Variants in RBFOX1 observed in about 807,000 individuals in gnomAD.
RBFOX1 encodes the protein RNA binding protein fox-1 homolog 1.
In RBFOX1, 8 loss-of-function variants were observed where a neutral mutation model predicts 57.7. The ratio of observed to expected loss-of-function variants is 0.14; its 90% CI spans 0.08 to 0.25. The LOEUF (loss-of-function observed/expected upper bound fraction) is 0.25, where lower values mean the gene tolerates loss of function less well. Ranked by LOEUF, RBFOX1 falls within the 10% of genes least tolerant of loss-of-function variation. The pLI is 1.00. For missense variants in RBFOX1, 611 were observed against 548.5 expected, an observed-to-expected ratio of 1.11 and a Z score of -1.14; for synonymous variants, 326 against 222.4, an observed-to-expected ratio of 1.47 and a Z score of -4.15.
At chr16:6,642,564 T>C (rs972602476) in intron 2 of RBFOX1, among the ~76,000 whole-genome samples, 4 of 151,846 alleles carry the variant, frequency 2.6e-5, no homozygotes, top group Non-Finnish European at 5.9e-5. Context: ...TTTTGAGATA[T>C]GGAAGCCTCT....
chr16:5,773,914 G>A (rs1246437226), intron 3 of RBFOX1, among the ~76,000 whole-genome samples: 3 of 152,004 alleles, frequency 2.0e-5, no homozygotes, highest in Admixed American at 6.6e-5. Context: ...GGTTGGTCTC[G>A]ATCTACTGAC....
chr16:5,856,537 ATGTGTGTGTGTGTG>A (rs774246673), intron 3 of RBFOX1, among the ~76,000 whole-genome samples: 1 of 70,258 alleles, frequency 1.4e-5, no homozygotes, highest in African/African-American at 5.5e-5. Flanking sequence ...ATATATGTGT[ATGTGTGTGTGTGTG>A]TGTGTGTGTG....
chr16:6,498,505 A>C (rs962067163), intron 2 of RBFOX1, among the ~76,000 whole-genome samples: 1 of 152,166 alleles, frequency 6.6e-6, no homozygotes, highest in African/African-American at 2.4e-5. Context: ...TTGGTTCAGC[A>C]ATCAGGCCCT....
intron 4 of RBFOX1, among the ~76,000 whole-genome samples, chr16:7,105,560 C>A (rs11648306): frequency 1.3e-5 from 2 of 151,712 alleles, no homozygotes; most frequent in Non-Finnish European, 2.9e-5. Context: ...CTCCCACTTA[C>A]GAGTGAGAAC....
At chr16:6,676,140 GCGCACACA>G (rs1173456334) in intron 3 of RBFOX1, among the ~76,000 whole-genome samples, 319 of 27,866 alleles carry the variant, frequency 0.011, 2 homozygotes, top group African/African-American at 0.021. Context: ...ACACACACAC[GCGCACACA>G]CACACACACA....
intron 1 of RBFOX1, among the ~76,000 whole-genome samples, chr16:6,061,678 A>T (rs935250954): frequency 6.6e-6 from 1 of 152,126 alleles, no homozygotes; most frequent in Non-Finnish European, 1.5e-5. Flanking sequence ...GGATAAATCT[A>T]TGTACATAGA....
chr16:7,622,542 A>G (rs1043421443), intron 10 of RBFOX1, among the ~76,000 whole-genome samples: 3 of 152,218 alleles, frequency 2.0e-5, no homozygotes, highest in African/African-American at 7.2e-5. Flanking sequence ...TCTTCTTTGT[A>G]TTATTCTTGT....
intron 14 of RBFOX1, among the ~76,000 whole-genome samples, chr16:7,680,819 A>G (rs116520825): frequency 2.6e-5 from 4 of 152,300 alleles, no homozygotes; most frequent in African/African-American, 9.6e-5. Flanking sequence ...AAATATACAT[A>G]TATCTACATA....
intron 2 of RBFOX1, among the ~76,000 whole-genome samples, chr16:6,552,070 G>A (rs1212240259): frequency 6.6e-6 from 1 of 152,300 alleles, no homozygotes; most frequent in Non-Finnish European, 1.5e-5. Context: ...TTGGTAACAG[G>A]TTATGCTTTT....
At chr16:5,692,168 TGTGTGTGTGTGTGTGTGTGTG>T (rs2050704486) in intron 3 of RBFOX1, among the ~76,000 whole-genome samples, 8 of 143,442 alleles carry the variant, frequency 5.6e-5, no homozygotes, top group Admixed American at 2.0e-4. Flanking sequence ...GGACTGACTG[TGTGTGTGTGTGTGTGTGTGTG>T]TGTGTGTGTG....
At chr16:6,501,860 G>A (rs1446440406) in intron 2 of RBFOX1, among the ~76,000 whole-genome samples, 2 of 152,120 alleles carry the variant, frequency 1.3e-5, no homozygotes, top group East Asian at 1.9e-4. Context: ...CTCTTAGGAC[G>A]TGTCTTCCAC....
chr16:5,296,572 A>T (rs11648227), intron 1 of RBFOX1, among the ~76,000 whole-genome samples: 125,840 of 151,312 alleles, frequency 0.83, 52,365 homozygotes, highest in East Asian at 0.91. Flanking sequence ...AAAAAAAAAA[A>T]TTTTTTTTTA....
In RBFOX1 at chr16:7,619,749, T is replaced by C. The variant is rs1392910514; in HGVS notation, c.677-10854T>C. On this transcript the variant is annotated intron_variant, in intron 10 of 15. Transcript: ENST00000550418. ...GACTTGTAAATTCCACTGTTTTCAG[T>C]TGAATGACAGTTTCTAATTTTTTTT... 2.0e-5 allele frequency among the ~76,000 whole-genome samples: 3 copies of C among 152,168 alleles called. No homozygotes were observed. In the East Asian group the frequency reaches 5.8e-4, roughly 29 times the overall value.
intron 4 of RBFOX1, among the ~76,000 whole-genome samples, chr16:7,158,758 C>A (rs1041544552): frequency 9.3e-5 from 14 of 151,056 alleles, no homozygotes; most frequent in Non-Finnish European, 7.4e-5. Flanking sequence ...GTGGTGTGTG[C>A]ATGTCTGTGA....
chr16:6,811,037 G>T (rs913064119), intron 3 of RBFOX1, among the ~76,000 whole-genome samples: 7 of 152,164 alleles, frequency 4.6e-5, no homozygotes, highest in Non-Finnish European at 1.0e-4. Flanking sequence ...CAGAAAAACT[G>T]ATGATGATAA....
chr16:7,315,626 T>A (rs2096420167), intron 4 of RBFOX1, among the ~76,000 whole-genome samples: 1 of 144,796 alleles, frequency 6.9e-6, no homozygotes, highest in Admixed American at 7.2e-5. Context: ...TTTTATAGCC[T>A]TCCTGAAAAG....
intron 3 of RBFOX1, among the ~76,000 whole-genome samples, chr16:6,671,410 G>A (rs1437485064): frequency 1.3e-5 from 2 of 152,122 alleles, no homozygotes; most frequent in Non-Finnish European, 2.9e-5. Context: ...ATGGAAAAGA[G>A]AAATATTCAT....
chr16:7,183,046 T>C (rs968775015), intron 4 of RBFOX1, among the ~76,000 whole-genome samples: 1 of 152,210 alleles, frequency 6.6e-6, no homozygotes, highest in African/African-American at 2.4e-5. Context: ...ACAATATTTT[T>C]GCTTAAACAC....
chr16:5,270,142 A>G (rs1197736258), intron 1 of RBFOX1: 3 of 281,798 alleles, frequency 1.1e-5, no homozygotes, highest in Non-Finnish European at 2.0e-5. Flanking sequence ...CAAAAATATA[A>G]AATTTAGCCT....
Sources: allele counts gnomAD v4.1 joint callset (sites outside exome capture counted in the v4.1 genomes callset), GRCh38; gene constraint gnomAD v4.1.1; transcripts MANE v1.5; gene names NCBI Gene and HGNC (gene_info 2026-07-23, HGNC 2026-07-21).